The following ZEB1 variants were observed in gnomAD, a reference collection of about 807,000 sequenced individuals.
ZEB1 encodes the protein zinc finger E-box-binding homeobox 1.
Under a neutral mutation model 84.9 loss-of-function variants are expected in ZEB1, and 21 were observed. The ratio of observed to expected loss-of-function variants is 0.25; its 90% CI spans 0.18 to 0.36. ZEB1 has a LOEUF of 0.36. Ranked by LOEUF, ZEB1 falls within the 10% of genes least tolerant of loss-of-function variation. The probability of loss-of-function intolerance (pLI) is 1.00; values close to 1 mark genes in which losing one functional copy is unlikely to be tolerated. For missense variants in ZEB1, 1,104 were observed against 1,330.2 expected, an observed-to-expected ratio of 0.83 and a Z score of 2.65; for synonymous variants, 420 against 471.1, an observed-to-expected ratio of 0.89 and a Z score of 1.41.
intron 1 of ZEB1, among the ~76,000 whole-genome samples, chr10:31,446,476 GC>G (rs2059795324): frequency 6.7e-6 from 1 of 149,806 alleles, no homozygotes; most frequent in Non-Finnish European, 1.5e-5. Flanking sequence ...GTTTGCTCTT[GC>G]TTTTCTAGTT....
At chr10:31,445,229 T>C (rs1269557262) in intron 1 of ZEB1, among the ~76,000 whole-genome samples, 1 of 148,664 alleles carries the variant, frequency 6.7e-6, no homozygotes, top group Non-Finnish European at 1.5e-5. Flanking sequence ...CTGTTGTTGG[T>C]GTATAAGAAT....
intron 7 of ZEB1, 52 bp from the exon 8 acceptor site, chr10:31,523,881 T>A: frequency 1.3e-6 from 2 of 1,584,656 alleles, no homozygotes; most frequent in Non-Finnish European, 1.7e-6. Flanking sequence ...TGTATATCTC[T>A]TGTTTATCTT....
At chr10:31,433,469 A>C (rs12243482) in intron 1 of ZEB1, among the ~76,000 whole-genome samples, 1 of 152,198 alleles carries the variant, frequency 6.6e-6, no homozygotes, top group Admixed American at 6.5e-5. Context: ...ATATCTGCCA[A>C]ATACTCAAAC....
At chr10:31,427,111 T>C (rs914292089) in intron 1 of ZEB1, among the ~76,000 whole-genome samples, 1 of 151,700 alleles carries the variant, frequency 6.6e-6, no homozygotes. Context: ...TGCATATAGG[T>C]GTGTGCAAGC....
intron 4 of ZEB1, among the ~76,000 whole-genome samples, chr10:31,507,464 A>G (rs940017509): frequency 6.6e-6 from 1 of 152,128 alleles, no homozygotes; most frequent in Non-Finnish European, 1.5e-5. Flanking sequence ...TAACACATCA[A>G]AAATTCGAAT....
chr10:31,405,892 G>A (rs929663612), intron 1 of ZEB1, among the ~76,000 whole-genome samples: 3 of 151,960 alleles, frequency 2.0e-5, no homozygotes, highest in Non-Finnish European at 4.4e-5. Context: ...CCCTCCCTGT[G>A]TCCATGTGTT....
At chr10:31,336,948 A>G (rs1321945058) in intron 1 of ZEB1, among the ~76,000 whole-genome samples, 1 of 152,198 alleles carries the variant, frequency 6.6e-6, no homozygotes, top group African/African-American at 2.4e-5. Context: ...ACATAACACT[A>G]TGACCCAGTA....
At chr10:31,352,125 C>T (rs1332101473) in intron 1 of ZEB1, among the ~76,000 whole-genome samples, 1 of 151,978 alleles carries the variant, frequency 6.6e-6, no homozygotes, top group African/African-American at 2.4e-5. Flanking sequence ...ATTCTGTTAC[C>T]TATTTGCCTT....
chr10:31,325,762 TTTCTC>T (rs1277152781), intron 1 of ZEB1, among the ~76,000 whole-genome samples: 2 of 152,010 alleles, frequency 1.3e-5, no homozygotes, highest in East Asian at 1.9e-4. Flanking sequence ...AGTCCTCTGT[TTTCTC>T]TTTTTAAAAT....
intron 1 of ZEB1, among the ~76,000 whole-genome samples, chr10:31,344,806 C>G (rs1427521679): frequency 6.6e-6 from 1 of 152,002 alleles, no homozygotes; most frequent in Non-Finnish European, 1.5e-5. Flanking sequence ...TTATTTTGAA[C>G]ATATTAAGGT....
At chr10:31,375,757 G>A (rs908324034) in intron 1 of ZEB1, among the ~76,000 whole-genome samples, 1 of 151,636 alleles carries the variant, frequency 6.6e-6, no homozygotes, top group Non-Finnish European at 1.5e-5. Context: ...TTGGAAGTTC[G>A]AATGAGAAAA....
At chr10:31,358,765 T>G (rs1237469284) in intron 1 of ZEB1, among the ~76,000 whole-genome samples, 1 of 152,200 alleles carries the variant, frequency 6.6e-6, no homozygotes, top group East Asian at 1.9e-4. Context: ...ATCTGTTATT[T>G]TGGCTAAAAT....
intron 1 of ZEB1, among the ~76,000 whole-genome samples, chr10:31,457,077 T>C (rs2061325732): frequency 1.3e-5 from 2 of 152,188 alleles, no homozygotes; most frequent in South Asian, 4.1e-4. Flanking sequence ...GTTTACCATA[T>C]TTTTTACCCT....
intron 2 of ZEB1, among the ~76,000 whole-genome samples, chr10:31,493,757 C>T (rs550254042): frequency 6.6e-6 from 1 of 151,974 alleles, no homozygotes; most frequent in East Asian, 1.9e-4. Flanking sequence ...TCATTAGGCA[C>T]CATGGTCTTA....
chr10:31,475,433 A>G (rs2063995926), intron 2 of ZEB1, among the ~76,000 whole-genome samples: 1 of 152,198 alleles, frequency 6.6e-6, no homozygotes, highest in African/African-American at 2.4e-5. Context: ...TCAAGATACA[A>G]GAAATTCAGA....
At chr10:31,455,970 C>T (rs574661635) in intron 1 of ZEB1, among the ~76,000 whole-genome samples, 1 of 152,092 alleles carries the variant, frequency 6.6e-6, no homozygotes, top group African/African-American at 2.4e-5. Context: ...ATGTTTATTG[C>T]AGCACTATTT....
intron 1 of ZEB1, among the ~76,000 whole-genome samples, chr10:31,445,217 G>C (rs1591351102): frequency 6.9e-6 from 1 of 144,340 alleles, no homozygotes; most frequent in Non-Finnish European, 1.5e-5. Context: ...CTTTCTGTTT[G>C]TCTGTTGTTG....
In ZEB1 at chr10:31,527,391, CTA is replaced by C. The variant is rs535379956; in HGVS notation, c.*128_*129del. ...TGTTCACTACTGTGTAAAGTAAAAACTAAAAAAATACAAAATACAAAACACAC... is the reference window on the plus strand; with the variant it reads ...TGTTCACTACTGTGTAAAGTAAAAACAAAAAATACAAAATACAAAACACAC... On this transcript the variant is annotated 3_prime_UTR_variant, in exon 9 of 9. Transcript: ENST00000424869. 6.9e-5 allele frequency: 64 copies of C among 930,650 alleles called. No individual in the cohort carries two copies. The East Asian group carries it at 1.8e-3, about 26-fold the overall frequency. The allele number at this position is 930,650 out of a possible 1,614,324, so 57.6% of individuals were successfully genotyped here. A position where few individuals can be genotyped will look rare whatever the true frequency, so the allele number is the denominator to read the frequency against.
intron 4 of ZEB1, among the ~76,000 whole-genome samples, chr10:31,506,028 G>GTTAT (rs1318110441): frequency 1.4e-4 from 21 of 151,866 alleles, no homozygotes; most frequent in Admixed American, 1.4e-3. Context: ...TGACCCCGTG[G>GTTAT]TTATTCAAAA....
Sources: gnomAD v4.1 joint callset for allele counts (sites outside exome capture counted in the v4.1 genomes callset) on GRCh38, gnomAD v4.1.1 for gene constraint, MANE v1.5 for transcripts, NCBI Gene and HGNC (gene_info 2026-07-23, HGNC 2026-07-21) for gene names.